Variants in CEP152 observed in about 807,000 individuals in gnomAD.
The protein encoded by CEP152 is centrosomal protein of 152 kDa.
A neutral mutation model predicts 188.9 loss-of-function variants in CEP152; 132 were observed. That is an observed-to-expected ratio of 0.70 (90% CI 0.61 to 0.81). The LOEUF is 0.81. CEP152 is among the 30% of genes least tolerant of loss of function. CEP152 has a pLI of 0.00. For missense variants in CEP152, 1,914 were observed against 1,969.8 expected (o/e 0.97, Z 0.54); for synonymous variants, 649 against 666.6 (o/e 0.97, Z 0.41).
At chr15:48,732,703 T>C (rs182257941) in intron 2 of CEP152, among the ~76,000 whole-genome samples, 217 of 151,966 alleles carry the variant, frequency 1.4e-3, no homozygotes, top group African/African-American at 5.0e-3. Context: ...TGATCAATGA[T>C]GAATCTCTGG....
At position 48,796,015 on chromosome 15, in the gene CEP152, T is replaced by C. The variant is rs768626458; in HGVS notation, c.686A>G (p.Asn229Ser). 6.2e-7 allele frequency: 1 copy of C among 1,613,790 alleles called. No individual in the cohort carries two copies. The highest frequency in any genetic ancestry group is 1.7e-5 in the Admixed American group (1 of 60,008). The part of the protein sequence containing the change: ...EGLQQQFLGA[N>S]ENSAENMQII... ...AATATAAACTTGATACCTACTCTCA[T>C]TAGCTCCTAAAAATTGTTGTTGCAG... Residue 229 changes from asparagine (N) to serine (S), a missense_variant, in exon 6 of 27, where the codon AAT becomes AGT. Coordinates refer to ENST00000380950, the MANE Select transcript of CEP152 (RefSeq NM_001194998.2).
Position 48,767,163 on chromosome 15 carries a change from ACCT to A in CEP152, c.2174_2176del (p.Glu725del), listed in dbSNP as rs1326819361. The A allele has an allele frequency of 1.2e-6, 2 of 1,613,630 alleles. No individual in the cohort carries two copies. Among genetic ancestry groups the A allele is most frequent in the African/African-American group, 1.3e-5 (1 of 74,860 alleles). ...TAGGTAACATTCCTGCACAGCAGTC[ACCT>A]CCTTATTCAACTTATCCAACTCAGA... On this transcript the variant is annotated inframe_deletion, in exon 17 of 27. Coordinates refer to ENST00000380950, the MANE Select transcript of CEP152 (RefSeq NM_001194998.2).
intron 17 of CEP152, among the ~76,000 whole-genome samples, chr15:48,766,084 C>A (rs1031915446): frequency 3.9e-5 from 6 of 152,144 alleles, no homozygotes; most frequent in Non-Finnish European, 8.8e-5. Flanking sequence ...GCCATCCCTA[C>A]CTAAAACAGC....
In CEP152 at chr15:48,788,971, C is replaced by A. The variant is rs1219877183; in HGVS notation, c.1003G>T (p.Ala335Ser). ...AGCTGCTGCTTCAAGCTTTCCAGAG[C>A]CATTTCAGTTGTTCTGGACTTCTTG... ...MIKKSRTTEM[A>S]LESLKQQLVD... The change falls in exon 9 of 27, where the codon GCT (alanine) becomes TCT (serine). Residue 335 changes from alanine to serine, a missense_variant. By Grantham distance (99) the Ala-to-Ser change is moderately conservative. Transcript: ENST00000380950. 1.2e-6 allele frequency: 2 copies of A among 1,614,016 alleles called. No homozygotes were observed. The highest frequency in any genetic ancestry group is 2.2e-5 in the East Asian group (1 of 44,896).
intron 9 of CEP152, among the ~76,000 whole-genome samples, chr15:48,787,133 T>C (rs1486879445): frequency 2.0e-5 from 3 of 150,288 alleles, no homozygotes; most frequent in Non-Finnish European, 3.0e-5. Flanking sequence ...TTCTATAAAG[T>C]AGACTTTTCA....
intron 19 of CEP152, among the ~76,000 whole-genome samples, chr15:48,757,234 C>T (rs1735644419): frequency 6.6e-6 from 1 of 152,158 alleles, no homozygotes; most frequent in African/African-American, 2.4e-5. Context: ...AATCTGGAGA[C>T]AAACTGCTGG....
intron 2 of CEP152, 134 bp downstream of exon 2, chr15:48,805,429 T>C: frequency 8.1e-7 from 1 of 1,240,314 alleles, no homozygotes. Context: ...GCAAGCAGAT[T>C]TTAGGGTTGT....
In CEP152 at chr15:48,772,497, A is replaced by G. The variant is rs759996635; in HGVS notation, c.1772T>C (p.Ile591Thr). ...ATAGGCTTTACATACCTCAACCTCAATGCTTTTTTCATCCTTCTTCACTTG... is the reference window on the plus strand; with the variant it reads ...ATAGGCTTTACATACCTCAACCTCAGTGCTTTTTTCATCCTTCTTCACTTG... The part of the protein sequence containing the change: ...LHQVKKDEKS[I>T]EVETKTDTSE... Residue 591 changes from isoleucine to threonine, a missense_variant, in exon 13 of 27, where the codon ATT becomes ACT. By Grantham distance (89) the Ile-to-Thr change is moderately conservative (BLOSUM62 -1). Transcript: ENST00000380950. 1.9e-6 allele frequency: 3 copies of G among 1,612,496 alleles called. No individual in the cohort carries two copies. In the South Asian group the frequency reaches 3.3e-5, roughly 18 times the overall value.
At chr15:48,801,032 ATCCTCAATAT>A (rs1179782308) in intron 2 of CEP152, among the ~76,000 whole-genome samples, 1 of 152,200 alleles carries the variant, frequency 6.6e-6, no homozygotes, top group Non-Finnish European at 1.5e-5. Flanking sequence ...AGAGCCTATA[ATCCTCAATAT>A]TCATGAAGGC....
chr15:48,765,636 ATTTTTTTTTTTTTT>A lies in CEP152; in HGVS notation c.2280+1410_2280+1423del, dbSNP rs34837739. 9.9e-3 allele frequency: 1,880 copies of A among 189,640 alleles called. 73 individuals are homozygous for A. In the African/African-American group the frequency reaches 0.1, roughly 11 times the overall value. The allele number at this position is 189,640 out of a possible 1,614,324, so 11.7% of individuals were successfully genotyped here. On this transcript the variant is annotated intron_variant, in intron 17 of 26. Transcript: ENST00000380950. ...GAAAATTCCTCTTATGTTCTTGCCAATTTTTTTTTTTTTTTTTTTTTTTTTTTTTTTTTGAGAGA... is the reference window on the plus strand; with the variant it reads ...GAAAATTCCTCTTATGTTCTTGCCAATTTTTTTTTTTTTTTTTTTGAGAGA...
intron 18 of CEP152, 46 bp from the exon 19 acceptor site, chr15:48,760,312 T>C: frequency 6.2e-7 from 1 of 1,607,558 alleles, no homozygotes. Context: ...GTATAAAACT[T>C]AAAAAAGATC....
At chr15:48,794,928 C>T (rs1404432047) in intron 6 of CEP152, among the ~76,000 whole-genome samples, 6 of 152,152 alleles carry the variant, frequency 3.9e-5, no homozygotes, top group Admixed American at 1.3e-4. Flanking sequence ...TCCCAGTGTA[C>T]GATGGAAGCA....
At chr15:48,810,692 G>C (rs1410433328) in intron 1 of CEP152, 2 of 152,408 alleles carry the variant, frequency 1.3e-5, no homozygotes, top group Non-Finnish European at 2.9e-5. Context: ...CCAAGGCGGG[G>C]TCCGCAGAGT....
intron 8 of CEP152, among the ~76,000 whole-genome samples, chr15:48,790,957 A>C (rs1896953742): frequency 6.6e-6 from 1 of 152,198 alleles, no homozygotes; most frequent in Non-Finnish European, 1.5e-5. Context: ...TATTTCCAAA[A>C]ATCAAATGGC....
chr15:48,739,293 T>G lies in CEP152; in HGVS notation c.4094-5A>C. The G allele has an allele frequency of 6.2e-7, 1 of 1,609,820 alleles. No homozygotes were observed. Among genetic ancestry groups the G allele is most frequent in the Non-Finnish European group, 8.5e-7 (1 of 1,179,024 alleles). On this transcript the variant is annotated splice_region_variant and splice_polypyrimidine_tract_variant and intron_variant, in intron 26 of 26. Coordinates refer to ENST00000380950, the MANE Select transcript of CEP152 (RefSeq NM_001194998.2). ...TCTCTGAAGTTAGGGGCAGTGCTAT[T>G]ATGTGCAAGGAAACACGAAATTAAG...
chr15:48,760,327 T>G (rs1258489538), intron 18 of CEP152, 61 bp from the exon 19 acceptor site: 6 of 1,583,798 alleles, frequency 3.8e-6, no homozygotes, highest in Non-Finnish European at 5.2e-6. Flanking sequence ...AAGATCCCAT[T>G]TTTAAACAGC....
chr15:48,783,978 T>C lies in CEP152; in HGVS notation c.1316A>G (p.Gln439Arg). Residue 439 changes from glutamine to arginine, a missense_variant, in exon 10 of 27, where the codon CAG becomes CGG. By Grantham distance (43) the Gln-to-Arg change is conservative. Transcript: ENST00000380950. ...TGGACCTACCAGACACCTACCGGAC[T>C]GCAACAAGTGGGCACACTGCTTTTG... ...ESQKQCAHLL[Q>R]SGSVQEVAQL... The C allele has an allele frequency of 6.2e-7, 1 of 1,613,806 alleles. No individual in the cohort carries two copies. Among genetic ancestry groups the C allele is most frequent in the Non-Finnish European group, 8.5e-7 (1 of 1,179,858 alleles).
intron 22 of CEP152, among the ~76,000 whole-genome samples, chr15:48,748,207 C>A (rs142871330): frequency 6.0e-4 from 91 of 152,206 alleles, no homozygotes; most frequent in African/African-American, 2.2e-3. Flanking sequence ...ATACTGGGCC[C>A]TCAATATCTG....
In CEP152 at chr15:48,772,436, C is replaced by A. The variant is rs1051745482; in HGVS notation, c.1782+51G>T. On this transcript the variant is annotated intron_variant, in intron 13 of 26. Coordinates refer to ENST00000380950, the MANE Select transcript of CEP152 (RefSeq NM_001194998.2). ...AAAAAAAAAAAAGTGTAAAAGTTTT[C>A]TTTATTGAGCCTTTTAAAAATGGTT... The A allele has an allele frequency of 9.5e-6, 14 of 1,467,422 alleles. No individual in the cohort carries two copies. In the Admixed American group the frequency reaches 1.6e-4, roughly 16 times the overall value. 90.9% of individuals were successfully genotyped at this position (1,467,422 alleles called of 1,614,324 possible).
Sources: allele counts gnomAD v4.1 joint callset (sites outside exome capture counted in the v4.1 genomes callset), GRCh38; gene constraint gnomAD v4.1.1; transcripts MANE v1.5; gene names NCBI Gene and HGNC (gene_info 2026-07-23, HGNC 2026-07-21).